Variants in PLAGL1 observed in about 807,000 individuals in gnomAD.
The protein encoded by PLAGL1 is zinc finger protein PLAGL1.
A neutral mutation model predicts 4.6 loss-of-function variants in PLAGL1; 1 was observed. That is an observed-to-expected ratio of 0.22 (90% CI 0.08 to 1.03). The LOEUF (loss-of-function observed/expected upper bound fraction) is 1.03. PLAGL1 is among the 50% of genes least tolerant of loss of function. PLAGL1 has a pLI of 0.58. For missense variants in PLAGL1, 464 were observed against 570.4 expected (o/e 0.81, Z 1.90); for synonymous variants, 240 against 237.8 (o/e 1.01, Z -0.08).
In PLAGL1 at chr6:143,989,377, T is replaced by A. The variant is rs1254904210; in HGVS notation, c.-583-4203A>T. Reference sequence around the variant, plus strand: ...TATTTCTGGATGAAATCAACACTTGTGTTGGTGGAGTTCGGAGCATACCAC... The same window carrying A: ...TATTTCTGGATGAAATCAACACTTGAGTTGGTGGAGTTCGGAGCATACCAC... On this transcript the variant is annotated intron_variant, in intron 1 of 7. Coordinates refer to ENST00000674357, the MANE Select transcript of PLAGL1 (RefSeq NM_001317162.2). This position sits in a 1 kb window ranked among gnomAD's most constrained non-coding sequence, Gnocchi z 4.8. 6.6e-6 allele frequency among the ~76,000 whole-genome samples: 1 copy of A among 152,204 alleles called. No individual in the cohort carries two copies. The highest frequency in any genetic ancestry group is 1.5e-5 in the Non-Finnish European group (1 of 68,032).
intron 1 of PLAGL1, among the ~76,000 whole-genome samples, chr6:144,019,081 A>C (rs1362038468): frequency 6.6e-6 from 1 of 152,172 alleles, no homozygotes; most frequent in Non-Finnish European, 1.5e-5. Flanking sequence ...CAAAAACATC[A>C]ATGTTATAAA....
Position 144,025,695 on chromosome 6 carries a change from G to C in PLAGL1, c.-151+38773C>G, listed in dbSNP as rs113731610. The stretch of plus-strand genomic sequence containing the variant: ...ACTTGAAGTCAGGAGTTAGAGACCA[G>C]CCTGGCCAATATGGTGAAACCTTGT... On this transcript the variant is annotated intron_variant, in intron 1 of 3. Transcript: ENST00000437412. 7.3e-3 allele frequency among the ~76,000 whole-genome samples: 1,105 copies of C among 152,160 alleles called. 12 individuals are homozygous for C. The highest frequency in any genetic ancestry group is 0.025 in the African/African-American group (1,054 of 41,498).
In PLAGL1 at chr6:143,941,982, C is replaced by A; in HGVS notation, c.834G>T (p.Leu278=). 6.3e-7 allele frequency: 1 copy of A among 1,594,172 alleles called. No homozygotes were observed. Residue 278 remains leucine, a synonymous_variant, in exon 8 of 8, where the codon CTG becomes CTT. Transcript: ENST00000674357. The surrounding 1 kb of genome is among the most constrained non-coding windows in gnomAD (Gnocchi z 6.0). The part of the protein sequence containing the change: ...PEQAAQPMQP[L]PESLASLHPS... ...GGTGGAGGGAGGCCAGGGACTCTGG[C>A]AGCGGCTGCATAGGCTGGGCGGCTT... is the stretch of plus-strand genomic sequence containing the variant.
At chr6:144,014,568 T>C (rs1452456937) in intron 1 of PLAGL1, among the ~76,000 whole-genome samples, 1 of 151,754 alleles carries the variant, frequency 6.6e-6, no homozygotes, top group East Asian at 1.9e-4. Flanking sequence ...ACACATAAGA[T>C]CTATTGGGTT....
rs528373031 is a variant in PLAGL1 at position 144,055,050 on chromosome 6, G to A, written c.-151+9418C>T. Reference sequence around the variant, plus strand: ...TTTCAACATGAATTGTCATAATAAAGGATTCCATCCAAGTGTTATTGAAGC... The same window carrying A: ...TTTCAACATGAATTGTCATAATAAAAGATTCCATCCAAGTGTTATTGAAGC... On this transcript the variant is annotated intron_variant, in intron 1 of 3. Coordinates refer to the PLAGL1 transcript ENST00000437412. This position sits in a 1 kb window ranked among gnomAD's most constrained non-coding sequence, Gnocchi z 5.0. Among the ~76,000 whole-genome samples, 43 of 152,062 alleles carry A rather than the reference G, an allele frequency of 2.8e-4. No individual in the cohort carries two copies. The highest frequency in any genetic ancestry group is 5.3e-4 in the African/African-American group (22 of 41,476).
At chr6:144,037,208 T>A (rs1357378411) in intron 1 of PLAGL1, 1 of 153,184 alleles carries the variant, frequency 6.5e-6, no homozygotes, top group Admixed American at 6.6e-5. Flanking sequence ...GACAGACAAC[T>A]CTCTAAAACA....
chr6:143,991,420 A>G (rs552917571), intron 1 of PLAGL1, among the ~76,000 whole-genome samples: 1 of 152,194 alleles, frequency 6.6e-6, no homozygotes, highest in East Asian at 1.9e-4. Context: ...GTGATACTGA[A>G]TTTTGGTGAT....
In PLAGL1 at chr6:143,997,341, C is replaced by T. The variant is rs1791861773; in HGVS notation, c.-584+10749G>A. ...CAAAAGACTTGTGAATGAGTATTCA[C>T]AGCAGGTCTATTTGTAAGAACCCAA... On this transcript the variant is annotated intron_variant, in intron 1 of 7. Coordinates refer to ENST00000674357, the MANE Select transcript of PLAGL1 (RefSeq NM_001317162.2). This position sits in a 1 kb window ranked among gnomAD's most constrained non-coding sequence, Gnocchi z 4.6. Among the ~76,000 whole-genome samples, 1 of 152,170 alleles carries T rather than the reference C, an allele frequency of 6.6e-6. No homozygotes were observed. The highest frequency in any genetic ancestry group is 2.4e-5 in the African/African-American group (1 of 41,448).
chr6:144,011,044 T>G (rs1021680981), upstream of PLAGL1, among the ~76,000 whole-genome samples: 1 of 152,174 alleles, frequency 6.6e-6, no homozygotes, highest in African/African-American at 2.4e-5. This position sits in a 1 kb window ranked among gnomAD's most constrained non-coding sequence, Gnocchi z 4.3. Context: ...GACATAGGCA[T>G]GGGCAGAGTT....
In PLAGL1 at chr6:143,977,091, C is replaced by CG. The variant is rs1026749194; in HGVS notation, c.-544+8043_-544+8044insC. ...TTTCCCATATACTCCCTTCCCCCCC[C>CG]CCAACACACTTAGCCTTCTCCATTA... is the stretch of plus-strand genomic sequence containing the variant. On this transcript the variant is annotated intron_variant, in intron 2 of 7. Coordinates refer to ENST00000674357, the MANE Select transcript of PLAGL1 (RefSeq NM_001317162.2). 8.7e-5 allele frequency among the ~76,000 whole-genome samples: 13 copies of CG among 149,002 alleles called. No individual in the cohort carries two copies. In the South Asian group the frequency reaches 8.9e-4, roughly 10 times the overall value.
intron 1 of PLAGL1, among the ~76,000 whole-genome samples, chr6:144,062,494 A>C (rs868340327): frequency 5.5e-4 from 74 of 135,182 alleles, no homozygotes; most frequent in Non-Finnish European, 9.4e-4. Context: ...AAAAAAAAAA[A>C]ACACAGATTT....
At chr6:144,030,476 A>G (rs897028713) in intron 1 of PLAGL1, among the ~76,000 whole-genome samples, 3 of 152,108 alleles carry the variant, frequency 2.0e-5, no homozygotes, top group Admixed American at 6.6e-5. Context: ...CCCAATGTGT[A>G]GTCTTTTATC....
chr6:143,947,175 C>T lies in PLAGL1; in HGVS notation c.152+810G>A, dbSNP rs1044277323. On this transcript the variant is annotated intron_variant, in intron 7 of 7. Transcript: ENST00000674357. This position sits in a 1 kb window ranked among gnomAD's most constrained non-coding sequence, Gnocchi z 4.3. ...CTGATCAAATGCACATGCTGCTCAT[C>T]TGCATACCCACCTGAACTCCACTTA... is the stretch of plus-strand genomic sequence containing the variant. Among the ~76,000 whole-genome samples the T allele has an allele frequency of 6.6e-6, 1 of 152,210 alleles. No individual in the cohort carries two copies. Among genetic ancestry groups the T allele is most frequent in the African/African-American group, 2.4e-5 (1 of 41,448 alleles).
At chr6:143,977,088 C>CT (rs1053801150) in intron 2 of PLAGL1, among the ~76,000 whole-genome samples, 10 of 146,816 alleles carry the variant, frequency 6.8e-5, no homozygotes, top group South Asian at 2.3e-4. Context: ...TCCCTTCCCC[C>CT]CCCCCAACAC....
chr6:144,058,209 C>T (rs576078238), intron 1 of PLAGL1, among the ~76,000 whole-genome samples: 1 of 152,280 alleles, frequency 6.6e-6, no homozygotes, highest in African/African-American at 2.4e-5. Context: ...AGGGACCCAG[C>T]ATGTCACATG....
rs904842677 is a variant in PLAGL1 at position 143,943,278 on chromosome 6, G to A, written c.153-615C>T. Among the ~76,000 whole-genome samples, 10 of 151,854 alleles carry A rather than the reference G, an allele frequency of 6.6e-5. No homozygotes were observed. The East Asian group carries it at 1.7e-3, about 26-fold the overall frequency. On this transcript the variant is annotated intron_variant, in intron 7 of 7. Transcript: ENST00000674357. ...ATCTTTTTCAGGAAGGGGTTAAAGG[G>A]GTCTTTTGTACTCTGGAAATTCAAG...
intron 2 of PLAGL1, among the ~76,000 whole-genome samples, chr6:143,969,572 G>A (rs898897464): frequency 3.0e-4 from 45 of 151,732 alleles, no homozygotes; most frequent in African/African-American, 1.1e-3. Flanking sequence ...AATGCTTGAG[G>A]GCAGGAGTTT....
chr6:144,042,690 G>T (rs577827722), intron 1 of PLAGL1, among the ~76,000 whole-genome samples: 23 of 152,166 alleles, frequency 1.5e-4, no homozygotes, highest in Non-Finnish European at 2.6e-4. Context: ...CTTTAAAGTG[G>T]TTTTTTCCAA....
chr6:143,941,674 G>C lies in PLAGL1; in HGVS notation c.1142C>G (p.Ser381Cys), dbSNP rs754880138. ...CAGCTGCCAGAAGCCCAACAGGGGG[G>C]ACAGGTCCAGAGAGGCAGGTATTGT... ...NLTIPASLDL[S>C]PLLGFWQLPP... The change falls in exon 8 of 8, where the codon TCC (serine) becomes TGC (cysteine). Residue 381 changes from serine to cysteine, a missense_variant. Coordinates refer to ENST00000674357, the MANE Select transcript of PLAGL1 (RefSeq NM_001317162.2). The surrounding 1 kb of genome is among the most constrained non-coding windows in gnomAD (Gnocchi z 6.0). The C allele has an allele frequency of 6.2e-7, 1 of 1,614,230 alleles. No individual in the cohort carries two copies. Among genetic ancestry groups the C allele is most frequent in the East Asian group, 2.2e-5 (1 of 44,888 alleles).
Sources: gnomAD v4.1 joint callset for allele counts (sites outside exome capture counted in the v4.1 genomes callset) on GRCh38, gnomAD v4.1.1 for gene constraint, Gnocchi (gnomAD v3.1) non-coding constraint, MANE v1.5 for transcripts, NCBI Gene and HGNC (gene_info 2026-07-23, HGNC 2026-07-21) for gene names.